The following CDH23 variants were observed in gnomAD, a reference collection of about 807,000 sequenced individuals.
CDH23 encodes cadherin related 23, also known as cadherin-23.
A neutral mutation model predicts 317.1 loss-of-function variants in CDH23; 189 were observed. That is an observed-to-expected ratio of 0.60 (90% confidence interval 0.53 to 0.67). The LOEUF (loss-of-function observed/expected upper bound fraction) is 0.67, where lower values mean the gene tolerates loss of function less well. CDH23 is among the 30% of genes least tolerant of loss of function. The probability of loss-of-function intolerance (pLI) is 0.00; values close to 1 mark genes in which losing one functional copy is unlikely to be tolerated. For missense variants in CDH23, 4,401 were observed against 4,592.4 expected (o/e 0.96, Z 1.20); for synonymous variants, 1,839 against 1,876.8 (o/e 0.98, Z 0.52).
chr10:71,762,815 ATCCATGCACGTCCT>A (rs964993926), intron 38 of CDH23, among the ~76,000 whole-genome samples: 1 of 152,254 alleles, frequency 6.6e-6, no homozygotes, highest in African/African-American at 2.4e-5. Context: ...AGGTCATCTC[ATCCATGCACGTCCT>A]TCCAGCCAAA....
At chr10:71,537,914 TG>T (rs1399815605) in intron 6 of CDH23, among the ~76,000 whole-genome samples, 6 of 152,184 alleles carry the variant, frequency 3.9e-5, no homozygotes, top group Admixed American at 6.5e-5. Flanking sequence ...CTCACTCGGC[TG>T]GTATAGAGCA....
intron 6 of CDH23, among the ~76,000 whole-genome samples, chr10:71,535,739 T>A (rs979851051): frequency 1.3e-5 from 2 of 152,144 alleles, no homozygotes; most frequent in Admixed American, 1.3e-4. Flanking sequence ...AGGGACTTGG[T>A]TATCTGCCAG....
chr10:71,486,245 G>A lies in CDH23; in HGVS notation c.146-23837G>A, dbSNP rs528688944. Among the ~76,000 whole-genome samples, 7 of 152,278 alleles carry A rather than the reference G, an allele frequency of 4.6e-5. No homozygotes were observed. The East Asian group carries it at 1.3e-3, about 29-fold the overall frequency. ...AGTCCCTGTCTCCTCTGCATCTAGG[G>A]ATGTTTTGATGTGAATTACTGAATG... On this transcript the variant is annotated intron_variant, in intron 3 of 69. Transcript: ENST00000224721.
chr10:71,544,965 C>A (rs1430816405), intron 6 of CDH23, among the ~76,000 whole-genome samples: 2 of 152,084 alleles, frequency 1.3e-5, no homozygotes, highest in Admixed American at 1.3e-4. Context: ...GCAGTGTGTG[C>A]CCTGGGGTAA....
chr10:71,788,980 A>G lies in CDH23; in HGVS notation c.5861A>G (p.Asp1954Gly). 1 of 1,605,346 alleles carries G rather than the reference A, an allele frequency of 6.2e-7. No homozygotes were observed. The highest frequency in any genetic ancestry group is 8.5e-7 in the Non-Finnish European group (1 of 1,172,048). The change falls in exon 45 of 70, where the codon GAC (aspartate) becomes GGC (glycine). Residue 1954 changes from aspartate to glycine, a missense_variant. By Grantham distance (94) the Asp-to-Gly change is moderately conservative. This residue lies in a region of CDH23 where 3,068 missense variants were observed against 3,203.3 expected (regional missense o/e 0.96). Coordinates refer to ENST00000224721, the MANE Select transcript of CDH23 (RefSeq NM_022124.6). ...LLLIFLSDEN[D>G]NHPLFTKSTY... ...CTGATCTTCCTTTCTGATGAGAATG[A>G]CAACCACCCCCTCTTCACTAAAAGC...
At chr10:71,732,501 A>T (rs902088487) in intron 32 of CDH23, 126 bp downstream of exon 32, 1 of 1,400,660 alleles carries the variant, frequency 7.1e-7, no homozygotes, top group African/African-American at 1.4e-5. Flanking sequence ...GTGTGGTGTT[A>T]GGTACCTGTA....
intron 38 of CDH23, chr10:71,749,540 C>T (rs1406574957): frequency 6.6e-6 from 1 of 152,276 alleles, no homozygotes; most frequent in Non-Finnish European, 1.5e-5. Context: ...GAAGGGACCC[C>T]CCTCTGCCTA....
chr10:71,655,600 G>C (rs549361764), intron 14 of CDH23, among the ~76,000 whole-genome samples: 1 of 151,982 alleles, frequency 6.6e-6, no homozygotes, highest in South Asian at 2.1e-4. Context: ...ATGAGGGCTC[G>C]CTGGCAAGTG....
intron 6 of CDH23, among the ~76,000 whole-genome samples, chr10:71,540,062 G>GT (rs1404253349): frequency 1.3e-5 from 2 of 152,190 alleles, no homozygotes; most frequent in Admixed American, 1.3e-4. Flanking sequence ...TAGTGTGCTG[G>GT]TGGGGGCAGT....
intron 1 of CDH23, among the ~76,000 whole-genome samples, chr10:71,432,394 GGTGTGTGTTT>G (rs1421383848): frequency 1.9e-5 from 2 of 103,370 alleles, no homozygotes; most frequent in Non-Finnish European, 4.4e-5. Context: ...TGAGTTGTGT[GGTGTGTGTTT>G]GTGTGTGTGT....
intron 3 of CDH23, among the ~76,000 whole-genome samples, chr10:71,476,483 T>C (rs1328960644): frequency 6.6e-6 from 1 of 152,080 alleles, no homozygotes; most frequent in Non-Finnish European, 1.5e-5. Context: ...TGTCCCCAGC[T>C]CCAATTTGCT....
At chr10:71,730,722 T>A (rs1839348579) in intron 31 of CDH23, 118 bp downstream of exon 31, 3 of 1,443,718 alleles carry the variant, frequency 2.1e-6, no homozygotes, top group Non-Finnish European at 1.9e-6. Flanking sequence ...TTTAGCCATG[T>A]CTAGGCCAGG....
intron 2 of CDH23, among the ~76,000 whole-genome samples, chr10:71,444,260 A>G (rs1421004126): frequency 6.6e-6 from 1 of 152,278 alleles, no homozygotes; most frequent in African/African-American, 2.4e-5. Context: ...TTATGTATGT[A>G]ATCTCATTTA....
At chr10:71,467,818 A>G (rs1393705862) in intron 3 of CDH23, among the ~76,000 whole-genome samples, 1 of 152,194 alleles carries the variant, frequency 6.6e-6, no homozygotes, top group African/African-American at 2.4e-5. Flanking sequence ...CACTGCGCAG[A>G]GGAGCAAACT....
rs778493031 is a variant in CDH23 at position 71,679,487 on chromosome 10, A to G, written c.1853A>G (p.Tyr618Cys). 2 of 1,607,010 alleles carry G rather than the reference A, an allele frequency of 1.2e-6. No homozygotes were observed. The highest frequency in any genetic ancestry group is 1.1e-5 in the South Asian group (1 of 89,758). The change falls in exon 17 of 70, where the codon TAT becomes TGT. Residue 618 changes from tyrosine to cysteine, a missense_variant. Tyr to Cys is a radical substitution (Grantham distance 194). This residue lies in a region of CDH23 where 3,068 missense variants were observed against 3,203.3 expected (regional missense o/e 0.96). Coordinates refer to ENST00000224721, the MANE Select transcript of CDH23 (RefSeq NM_022124.6). ...TTCGACATCAGCCTGTACGAGGGCTATGGAGGTAGGTGTGGGGCAGAACTC... is the reference window on the plus strand; with the variant it reads ...TTCGACATCAGCCTGTACGAGGGCTGTGGAGGTAGGTGTGGGGCAGAACTC... ...SYFDISLYEGYGVISVSRPLD... is the reference protein window; with the variant it reads ...SYFDISLYEGCGVISVSRPLD...
chr10:71,666,663 C>T (rs999784691), intron 14 of CDH23, among the ~76,000 whole-genome samples: 3 of 152,258 alleles, frequency 2.0e-5, no homozygotes, highest in East Asian at 3.9e-4. Context: ...CTACCTCACA[C>T]GCCAGAGAGA....
At chr10:71,569,304 A>G (rs952314095) in intron 7 of CDH23, among the ~76,000 whole-genome samples, 1 of 152,084 alleles carries the variant, frequency 6.6e-6, no homozygotes, top group African/African-American at 2.4e-5. Flanking sequence ...TCTCCTAGGC[A>G]CAGCAGCTCC....
intron 3 of CDH23, among the ~76,000 whole-genome samples, chr10:71,498,757 C>A (rs1242321056): frequency 6.6e-6 from 1 of 152,218 alleles, no homozygotes; most frequent in Non-Finnish European, 1.5e-5. Flanking sequence ...GTGCCTATGA[C>A]TGGTCCTCGC....
At chr10:71,670,094 C>T (rs1232245516) in intron 14 of CDH23, among the ~76,000 whole-genome samples, 1 of 152,250 alleles carries the variant, frequency 6.6e-6, no homozygotes, top group Non-Finnish European at 1.5e-5. Flanking sequence ...TCTTCAGCTG[C>T]TCCTGCACAT....
Sources: allele counts gnomAD v4.1 joint callset (sites outside exome capture counted in the v4.1 genomes callset), GRCh38; gene constraint gnomAD v4.1.1; regional missense constraint gnomAD v4.1.1; transcripts MANE v1.5; gene names NCBI Gene and HGNC (gene_info 2026-07-23, HGNC 2026-07-21).